Variants in LHX2 observed in about 807,000 individuals in gnomAD.
The protein encoded by LHX2 is LIM/homeobox protein Lhx2.
A neutral mutation model predicts 33.0 loss-of-function variants in LHX2; 6 were observed. That is an observed-to-expected ratio of 0.18 (90% CI 0.10 to 0.36). LHX2 has a LOEUF of 0.36. Ranked by LOEUF, LHX2 falls within the 10% of genes least tolerant of loss-of-function variation. The pLI, the probability that LHX2 is intolerant of heterozygous loss-of-function variation, is 1.00. For synonymous variants in LHX2, 292 were observed against 253.1 expected (o/e 1.15, Z -1.46); for missense variants, 442 against 586.2 (o/e 0.75, Z 2.54).
intron 4 of LHX2, among the ~76,000 whole-genome samples, chr9:124,030,163 C>T (rs774713423): frequency 7.7e-4 from 117 of 152,224 alleles, no homozygotes; most frequent in Non-Finnish European, 1.3e-3. Flanking sequence ...CACTTTACTC[C>T]AAGATTCTTG....
Position 124,016,695 on chromosome 9 carries a change from C to T in LHX2, c.727+1170C>T, listed in dbSNP as rs1045226649. ...CGAAATCGCTTGGAGGATCATGGGG[C>T]GTGTGTCCCTGTGTGCGGAACTGGG... On this transcript the variant is annotated intron_variant, in intron 3 of 4. Coordinates refer to ENST00000373615, the MANE Select transcript of LHX2 (RefSeq NM_004789.4). The surrounding 1 kb of genome is among the most constrained non-coding windows in gnomAD (Gnocchi z 4.4). Among the ~76,000 whole-genome samples the T allele has an allele frequency of 4.6e-5, 7 of 152,228 alleles. No individual in the cohort carries two copies. Among genetic ancestry groups the T allele is most frequent in the Admixed American group, 1.3e-4 (2 of 15,300 alleles).
intron 4 of LHX2, among the ~76,000 whole-genome samples, chr9:124,022,818 C>G (rs997759061): frequency 5.3e-5 from 8 of 152,234 alleles, no homozygotes; most frequent in Non-Finnish European, 8.8e-5. Context: ...CCTAGGCTCC[C>G]GAGGCGCCCC....
chr9:124,017,494 C>T (rs1405096602), intron 3 of LHX2, among the ~76,000 whole-genome samples: 2 of 152,194 alleles, frequency 1.3e-5, no homozygotes, highest in Non-Finnish European at 1.5e-5. Context: ...CAGTGTGGGC[C>T]GCGGGGCAGC....
rs371648637 is a variant in LHX2, at chr9:124,015,134, G to A, written c.336G>A (p.Val112=). 1 of 1,612,996 alleles carries A rather than the reference G, an allele frequency of 6.2e-7. No homozygotes were observed. The highest frequency in any genetic ancestry group is 8.5e-7 in the Non-Finnish European group (1 of 1,180,040). Residue 112 remains valine, a synonymous_variant, in exon 3 of 5, where the codon GTG becomes GTA. Transcript: ENST00000373615. The surrounding 1 kb of genome is among the most constrained non-coding windows in gnomAD (Gnocchi z 7.9). ...CKEDYYRRFS[V]QRCARCHLGI... ...ATGGTCCCTACAGGCGCTTCTCTGT[G>A]CAGCGCTGCGCCCGCTGCCACCTGG...
At chr9:124,025,440 C>CAAAAAA (rs71999375) in intron 4 of LHX2, among the ~76,000 whole-genome samples, 1 of 104,338 alleles carries the variant, frequency 9.6e-6, no homozygotes, top group African/African-American at 4.7e-5. Context: ...GACTCTGTCT[C>CAAAAAA]AAAAAAAAAA....
intron 4 of LHX2, 44 bp downstream of exon 4, chr9:124,021,348 C>T (rs1403503197): frequency 6.3e-7 from 1 of 1,585,232 alleles, no homozygotes; most frequent in Non-Finnish European, 8.6e-7. Flanking sequence ...CCACCAGGGA[C>T]TGGGGTGGAA....
rs1250106613 is a variant in LHX2, at chr9:124,029,827, C to T, written c.934-2593C>T. On this transcript the variant is annotated intron_variant, in intron 4 of 4. Transcript: ENST00000373615. ...AAGGCAGCGGCACCAAGGCTCCGGC[C>T]TTCTCCACCCCAATCTGCATGACTT... 2.0e-5 allele frequency among the ~76,000 whole-genome samples: 3 copies of T among 152,226 alleles called. No individual in the cohort carries two copies. The East Asian group carries it at 5.8e-4, about 29-fold the overall frequency.
At chr9:124,026,755 A>G (rs1828631051) in intron 4 of LHX2, among the ~76,000 whole-genome samples, 1 of 152,148 alleles carries the variant, frequency 6.6e-6, no homozygotes, top group Admixed American at 6.5e-5. Context: ...TTCTTATTTA[A>G]CTCTTGTAAA....
rs1358192372 is a variant in LHX2, at chr9:124,016,252, G to A, written c.727+727G>A. Among the ~76,000 whole-genome samples the A allele has an allele frequency of 2.0e-5, 3 of 152,122 alleles. No homozygotes were observed. Among genetic ancestry groups the A allele is most frequent in the African/African-American group, 4.8e-5 (2 of 41,434 alleles). ...GGGTGGGGTGGGGTGGGGTGAGGTG[G>A]GGGGCTTGGTTCGGATTTCCGGCAT... On this transcript the variant is annotated intron_variant, in intron 3 of 4. Coordinates refer to ENST00000373615, the MANE Select transcript of LHX2 (RefSeq NM_004789.4). This position sits in a 1 kb window ranked among gnomAD's most constrained non-coding sequence, Gnocchi z 4.4.
chr9:124,015,068 AG>A lies in LHX2; in HGVS notation c.324-48del. 1.3e-6 allele frequency: 2 copies of A among 1,586,518 alleles called. No individual in the cohort carries two copies. Among genetic ancestry groups the A allele is most frequent in the Non-Finnish European group, 1.7e-6 (2 of 1,169,406 alleles). ...CAGCAGCGGCACCTGGAGGAGGAAA[AG>A]GGGGGTACCCAACCGTGTGTTCCCA... is the stretch of plus-strand genomic sequence containing the variant. On this transcript the variant is annotated intron_variant, in intron 2 of 4. Coordinates refer to ENST00000373615, the MANE Select transcript of LHX2 (RefSeq NM_004789.4). The surrounding 1 kb of genome is among the most constrained non-coding windows in gnomAD (Gnocchi z 7.9).
chr9:124,017,006 C>T (rs956133353), intron 3 of LHX2, among the ~76,000 whole-genome samples: 4 of 152,084 alleles, frequency 2.6e-5, no homozygotes, highest in Admixed American at 2.0e-4. Context: ...TTCCTGGGCA[C>T]GGAGGTTCGG....
Position 124,012,968 on chromosome 9 carries a change from C to A in LHX2, c.120+500C>A, listed in dbSNP as rs1859119191. Among the ~76,000 whole-genome samples the A allele has an allele frequency of 6.6e-6, 1 of 152,254 alleles. No homozygotes were observed. The highest frequency in any genetic ancestry group is 1.5e-5 in the Non-Finnish European group (1 of 68,048). ...CAGAGGCCGAAGTCTTCGGGGCCAACATTTGTCGTTGATCGCGTCCCCAGA... is the reference window on the plus strand; with the variant it reads ...CAGAGGCCGAAGTCTTCGGGGCCAAAATTTGTCGTTGATCGCGTCCCCAGA... On this transcript the variant is annotated intron_variant, in intron 1 of 4. Coordinates refer to ENST00000373615, the MANE Select transcript of LHX2 (RefSeq NM_004789.4). This position sits in a 1 kb window ranked among gnomAD's most constrained non-coding sequence, Gnocchi z 4.3.
In LHX2 at chr9:124,032,392, A is replaced by G; in HGVS notation, c.934-28A>G. 6.4e-6 allele frequency: 10 copies of G among 1,554,402 alleles called. No homozygotes were observed. Among genetic ancestry groups the G allele is most frequent in the Admixed American group, 1.7e-5 (1 of 58,002 alleles). On this transcript the variant is annotated intron_variant, in intron 4 of 4. Coordinates refer to ENST00000373615, the MANE Select transcript of LHX2 (RefSeq NM_004789.4). The surrounding 1 kb of genome is among the most constrained non-coding windows in gnomAD (Gnocchi z 4.1). Reference sequence around the variant, plus strand: ...GGGATGCTCTGCCTGCCTTCCGCTCACCAGCCCTTCCCTGTCGTCCCCCGC... The same window carrying G: ...GGGATGCTCTGCCTGCCTTCCGCTCGCCAGCCCTTCCCTGTCGTCCCCCGC...
chr9:124,028,483 A>G (rs2118779922), intron 4 of LHX2, among the ~76,000 whole-genome samples: 1 of 152,236 alleles, frequency 6.6e-6, no homozygotes, highest in Admixed American at 6.5e-5. Context: ...GCCTGTCAGA[A>G]CCCTGAGAGC....
In LHX2 at chr9:124,032,568, C is replaced by G. The variant is rs1789580925; in HGVS notation, c.1082C>G (p.Ser361Cys). Residue 361 changes from serine to cysteine, a missense_variant, in exon 5 of 5, where the codon TCC becomes TGC. This residue lies in a region of LHX2 where 109 missense variants were observed against 98.7 expected (regional missense o/e 1.10). Transcript: ENST00000373615. This position sits in a 1 kb window ranked among gnomAD's most constrained non-coding sequence, Gnocchi z 4.1. Reference protein sequence around the residue: ...SELSNASLSPSSTPTTLTDLT... With the variant: ...SELSNASLSPCSTPTTLTDLT... ...CTCTCCAACGCCTCGCTCAGCCCCT[C>G]CAGCACGCCCACCACCCTGACAGAC... 1 of 1,614,062 alleles carries G rather than the reference C, an allele frequency of 6.2e-7. No individual in the cohort carries two copies. Among genetic ancestry groups the G allele is most frequent in the Admixed American group, 1.7e-5 (1 of 60,010 alleles).
In LHX2 at chr9:124,032,363, C is replaced by CT. The variant is rs545017764; in HGVS notation, c.934-57_934-56insT. ...GCAGCAGAGCTCTGAGTGAAGCAGT[C>CT]GGGGGGATGCTCTGCCTGCCTTCCG... On this transcript the variant is annotated intron_variant, in intron 4 of 4. Transcript: ENST00000373615. This position sits in a 1 kb window ranked among gnomAD's most constrained non-coding sequence, Gnocchi z 4.1. The CT allele has an allele frequency of 1.3e-6, 2 of 1,517,354 alleles. No individual in the cohort carries two copies. The highest frequency in any genetic ancestry group is 1.8e-6 in the Non-Finnish European group (2 of 1,129,164). The allele number at this position is 1,517,354 out of a possible 1,614,324, so 94.0% of individuals were successfully genotyped here.
At chr9:124,013,824 G>C (rs933780684) in intron 1 of LHX2, 137 bp from the exon 2 acceptor site, 2 of 754,232 alleles carry the variant, frequency 2.7e-6, no homozygotes, top group Non-Finnish European at 4.3e-6. Context: ...GGGGAAGCGC[G>C]CCGCATGTCC....
In LHX2 at chr9:124,015,417, A is replaced by G. The variant is rs1465025643; in HGVS notation, c.619A>G (p.Asn207Asp). 1.2e-6 allele frequency: 2 copies of G among 1,602,716 alleles called. No individual in the cohort carries two copies. Among genetic ancestry groups the G allele is most frequent in the Non-Finnish European group, 1.7e-6 (2 of 1,174,482 alleles). ...CGCGGGGCTGGGCGCAGCAGGGGCC[A>G]ACCCTCTGGGTCTTCCCTACTACAA... is the stretch of plus-strand genomic sequence containing the variant. ...KSAGLGAAGA[N>D]PLGLPYYNGV... Residue 207 changes from asparagine to aspartate, a missense_variant, in exon 3 of 5, where the codon AAC becomes GAC. Around this residue, in one of 5 missense-constraint regions of LHX2, gnomAD observed 132 missense variants for 139.1 expected, o/e 0.95. Coordinates refer to ENST00000373615, the MANE Select transcript of LHX2 (RefSeq NM_004789.4). This position sits in a 1 kb window ranked among gnomAD's most constrained non-coding sequence, Gnocchi z 7.9.
At position 124,014,209 on chromosome 9, in the gene LHX2, T is replaced by G; in HGVS notation, c.323+46T>G. On this transcript the variant is annotated intron_variant, in intron 2 of 4. Transcript: ENST00000373615. This position sits in a 1 kb window ranked among gnomAD's most constrained non-coding sequence, Gnocchi z 4.8. The stretch of plus-strand genomic sequence containing the variant: ...CCCCTCAGGACCCCTCCCCCCAATC[T>G]CAGGCACAGTCTTACAGTTTGGCCC... 1 of 1,245,234 alleles carries G rather than the reference T, an allele frequency of 8.0e-7. No homozygotes were observed. The highest frequency in any genetic ancestry group is 1.1e-6 in the Non-Finnish European group (1 of 896,714). 77.1% of individuals were successfully genotyped at this position (1,245,234 alleles called of 1,614,324 possible).
Sources: allele counts gnomAD v4.1 joint callset (sites outside exome capture counted in the v4.1 genomes callset), GRCh38; gene constraint gnomAD v4.1.1; regional missense constraint gnomAD v4.1.1; non-coding constraint Gnocchi (gnomAD v3.1); transcripts MANE v1.5; gene names NCBI Gene and HGNC (gene_info 2026-07-23, HGNC 2026-07-21).